The following EMC2 variants were observed in gnomAD, a reference collection of about 807,000 sequenced individuals.
EMC2 encodes the protein TPR repeat protein 35.
In EMC2, 37 loss-of-function variants were observed where a neutral mutation model predicts 51.6. The observed-to-expected ratio is 0.72, with a 90% CI of 0.55 to 0.94. The LOEUF (loss-of-function observed/expected upper bound fraction) is 0.94. Ranked by LOEUF, EMC2 falls within the 40% of genes least tolerant of loss-of-function variation. EMC2 has a pLI of 0.00. For synonymous variants in EMC2, 131 were observed against 112.4 expected (o/e 1.17, Z -1.04); for missense variants, 359 against 350.9 (o/e 1.02, Z -0.18).
intron 10 of EMC2, among the ~76,000 whole-genome samples, chr8:108,482,587 T>C (rs1325782838): frequency 8.2e-6 from 1 of 121,392 alleles, no homozygotes; most frequent in East Asian, 2.2e-4. Context: ...AATTTTTAAT[T>C]TTTATTTTTT....
chr8:108,469,650 A>G (rs1424307523), intron 5 of EMC2, among the ~76,000 whole-genome samples, 176 bp from the exon 6 acceptor site: 1 of 152,198 alleles, frequency 6.6e-6, no homozygotes, highest in Non-Finnish European at 1.5e-5. Context: ...TGTTAGAGGA[A>G]TGTTTGAATT....
rs749391176 is a variant in EMC2 at position 108,479,115 on chromosome 8, GTATT to G, written c.807+10_807+13del. On this transcript the variant is annotated splice_donor_region_variant and intron_variant, in intron 10 of 10. Transcript: ENST00000220853. ...CAAATAAACAGAGCTTATCAGGTTA[GTATT>G]TATTGATCATTTTGCTATGTAGGTC... The G allele has an allele frequency of 4.0e-6, 6 of 1,482,948 alleles. No homozygotes were observed. In the South Asian group the frequency reaches 5.4e-5, roughly 13 times the overall value. The allele number at this position is 1,482,948 out of a possible 1,614,324, so 91.9% of individuals were successfully genotyped here. A position where few individuals can be genotyped will look rare whatever the true frequency, so the allele number is the denominator to read the frequency against.
chr8:108,449,990 T>C, intron 2 of EMC2, 54 bp downstream of exon 2: 1 of 635,766 alleles, frequency 1.6e-6, no homozygotes, highest in Non-Finnish European at 2.7e-6. Flanking sequence ...ATGGGCCTTT[T>C]TTTTTTTTTA....
At chr8:108,470,967 C>CTA (rs531969553) in intron 7 of EMC2, 10 of 151,754 alleles carry the variant, frequency 6.6e-5, no homozygotes, top group Non-Finnish European at 7.4e-5. Flanking sequence ...TGTCTGTGGT[C>CTA]TATATATATA....
intron 8 of EMC2, 129 bp downstream of exon 8, chr8:108,476,092 T>C: frequency 1.9e-6 from 1 of 518,334 alleles, no homozygotes; most frequent in Non-Finnish European, 3.3e-6. Flanking sequence ...GAGCATTGAA[T>C]TGTGGGAATA....
chr8:108,484,997 C>T (rs1461763816), intron 10 of EMC2, among the ~76,000 whole-genome samples: 1 of 151,854 alleles, frequency 6.6e-6, no homozygotes, highest in Non-Finnish European at 1.5e-5. Context: ...TTTCCTCTGG[C>T]ATTTCCCCTA....
intron 1 of EMC2, chr8:108,446,315 G>A (rs1383670242): frequency 2.4e-6 from 1 of 421,300 alleles, no homozygotes; most frequent in Non-Finnish European, 4.8e-6. Context: ...GGAATCATTG[G>A]GTATCTTAAG....
chr8:108,449,787 T>A, intron 1 of EMC2, 36 bp from the exon 2 acceptor site: 1 of 935,672 alleles, frequency 1.1e-6, no homozygotes, highest in South Asian at 1.4e-5. Context: ...TGTGTCTGGG[T>A]ACATATACAC....
At chr8:108,469,965 T>C in intron 6 of EMC2, 54 bp downstream of exon 6, 1 of 1,548,490 alleles carries the variant, frequency 6.5e-7, no homozygotes, top group Non-Finnish European at 8.9e-7. Flanking sequence ...TCTTTTTTAA[T>C]TAAAATGGAA....
At chr8:108,484,142 G>T (rs982369846) in intron 10 of EMC2, among the ~76,000 whole-genome samples, 2 of 152,040 alleles carry the variant, frequency 1.3e-5, no homozygotes, top group Non-Finnish European at 2.9e-5. Context: ...TACTCACAAT[G>T]ATTTTCCAGA....
chr8:108,454,774 A>C (rs1329958654), intron 4 of EMC2, among the ~76,000 whole-genome samples: 1 of 152,102 alleles, frequency 6.6e-6, no homozygotes, highest in Non-Finnish European at 1.5e-5. Flanking sequence ...GTCTGCTGAC[A>C]GCAAATTGCT....
At chr8:108,453,997 T>A (rs969468075) in intron 4 of EMC2, among the ~76,000 whole-genome samples, 2 of 152,164 alleles carry the variant, frequency 1.3e-5, no homozygotes, top group African/African-American at 4.8e-5. Flanking sequence ...TTTTTCTTGC[T>A]CTGAGGTCTG....
chr8:108,452,806 G>C (rs1206793417), intron 3 of EMC2, among the ~76,000 whole-genome samples: 1 of 152,156 alleles, frequency 6.6e-6, no homozygotes, highest in Non-Finnish European at 1.5e-5. Flanking sequence ...TACTTAAAGA[G>C]TTATTAGTGG....
At chr8:108,460,733 C>T (rs1245272695) in intron 5 of EMC2, among the ~76,000 whole-genome samples, 2 of 152,194 alleles carry the variant, frequency 1.3e-5, no homozygotes, top group Non-Finnish European at 2.9e-5. Flanking sequence ...TGAAGCACTT[C>T]TAGTTTCAAG....
chr8:108,486,309 A>G (rs1408818683), intron 10 of EMC2, among the ~76,000 whole-genome samples: 4 of 151,900 alleles, frequency 2.6e-5, no homozygotes, highest in African/African-American at 9.7e-5. Flanking sequence ...CTCTCTGTAC[A>G]CTTCAGCTGA....
intron 7 of EMC2, chr8:108,475,380 A>T (rs532245594): frequency 1.3e-5 from 2 of 152,346 alleles, no homozygotes; most frequent in Non-Finnish European, 2.9e-5. Context: ...GGTATTTGAC[A>T]GTGAACTTAA....
At chr8:108,480,710 T>G (rs1253546184) in intron 10 of EMC2, among the ~76,000 whole-genome samples, 3 of 152,186 alleles carry the variant, frequency 2.0e-5, no homozygotes, top group African/African-American at 4.8e-5. Context: ...GTCTGAACCA[T>G]CTCTCCTTCT....
chr8:108,480,347 T>G (rs1811024054), intron 10 of EMC2, among the ~76,000 whole-genome samples: 1 of 152,156 alleles, frequency 6.6e-6, no homozygotes, highest in Non-Finnish European at 1.5e-5. Flanking sequence ...AGACAATGTT[T>G]ATGGAATGGC....
chr8:108,449,575 T>C (rs1818966106), intron 1 of EMC2, among the ~76,000 whole-genome samples: 1 of 151,968 alleles, frequency 6.6e-6, no homozygotes, highest in Non-Finnish European at 1.5e-5. Context: ...CCTGGCCCAT[T>C]CATCACTTCT....
Sources: allele counts gnomAD v4.1 joint callset (sites outside exome capture counted in the v4.1 genomes callset), GRCh38; gene constraint gnomAD v4.1.1; transcripts MANE v1.5; gene names NCBI Gene and HGNC (gene_info 2026-07-23, HGNC 2026-07-21).